ZNF507: variants seen among roughly 807,000 people sequenced by gnomAD.
ZNF507 encodes zinc finger protein 507.
Under a neutral mutation model 80.0 loss-of-function variants are expected in ZNF507, and 29 were observed. That is an observed-to-expected ratio of 0.36 (90% confidence interval 0.27 to 0.49). ZNF507 has a LOEUF of 0.49. Ranked by LOEUF, ZNF507 falls within the 20% of genes least tolerant of loss-of-function variation. The pLI is 0.98. For synonymous variants in ZNF507, 462 were observed against 422.5 expected (o/e 1.09, Z -1.15); for missense variants, 1,081 against 1,152.2 (o/e 0.94, Z 0.90).
At chr19:32,355,529 C>T (rs1468343430) in intron 3 of ZNF507, among the ~76,000 whole-genome samples, 1 of 152,140 alleles carries the variant, frequency 6.6e-6, no homozygotes, top group Non-Finnish European at 1.5e-5. Context: ...GTTATTTTGA[C>T]TGTCTGATTT....
At position 32,386,881 on chromosome 19, in the gene ZNF507, T is replaced by C. The variant is rs1967697110; in HGVS notation, c.*3798T>C. ...GGCTCCAAGTTCTATTAACCACAGG[T>C]TGTGTTCATTCTTTTCCTGGAAATG... On this transcript the variant is annotated 3_prime_UTR_variant, in exon 7 of 7. Transcript: ENST00000355898. The C allele has an allele frequency of 6.6e-6, 1 of 152,568 alleles. No homozygotes were observed. Among genetic ancestry groups the C allele is most frequent in the African/African-American group, 2.4e-5 (1 of 41,448 alleles). The allele number at this position is 152,568 out of a possible 1,614,324, so 9.5% of individuals were successfully genotyped here.
chr19:32,353,436 G>T lies in ZNF507; in HGVS notation c.606G>T (p.Arg202=). ...TAAGCCCCTCCAGCTCTTTGTGTCG[G>T]AAAACCACAGAAAGAAATGAAACCA... is the stretch of plus-strand genomic sequence containing the variant. The part of the protein sequence containing the change: ...QCVSPSSSLC[R]KTTERNETIP... Residue 202 remains arginine (R), a synonymous_variant, in exon 3 of 7, where the codon CGG becomes CGT. Transcript: ENST00000355898. 1 of 1,614,174 alleles carries T rather than the reference G, an allele frequency of 6.2e-7. No homozygotes were observed. The highest frequency in any genetic ancestry group is 1.1e-5 in the South Asian group (1 of 91,084).
At position 32,354,142 on chromosome 19, in the gene ZNF507, A is replaced by C. The variant is rs779352140; in HGVS notation, c.1312A>C (p.Met438Leu). The change falls in exon 3 of 7, where the codon ATG (methionine) becomes CTG (leucine). Residue 438 changes from methionine to leucine, a missense_variant. Around this residue, in one of 6 missense-constraint regions of ZNF507, gnomAD observed 614 missense variants for 583.9 expected, o/e 1.05. Coordinates refer to ENST00000355898, the MANE Select transcript of ZNF507 (RefSeq NM_001136156.2). ...LTEAQIGREG[M>L]DDVYRADKCT... ...AGAAGCTCAGATTGGGCGCGAAGGA[A>C]TGGATGATGTTTATCGTGCTGATAA... is the stretch of plus-strand genomic sequence containing the variant. The C allele has an allele frequency of 1.2e-6, 2 of 1,613,286 alleles. No individual in the cohort carries two copies. The highest frequency in any genetic ancestry group is 8.5e-7 in the Non-Finnish European group (1 of 1,180,006).
chr19:32,371,643 A>ATT (rs111611184), intron 5 of ZNF507, among the ~76,000 whole-genome samples: 221 of 92,636 alleles, frequency 2.4e-3, no homozygotes, highest in Non-Finnish European at 3.8e-3. Flanking sequence ...TATTATTATT[A>ATT]TTTTTTTTTT....
chr19:32,345,995 G>C (rs1568300303), intron 1 of ZNF507, among the ~76,000 whole-genome samples: 2 of 152,216 alleles, frequency 1.3e-5, no homozygotes, highest in Admixed American at 6.5e-5. Context: ...AGCTGGGGGT[G>C]GGGGGAACTT....
chr19:32,368,010 CAG>C (rs1458884739), intron 5 of ZNF507, among the ~76,000 whole-genome samples: 1 of 152,164 alleles, frequency 6.6e-6, no homozygotes, highest in Non-Finnish European at 1.5e-5. Flanking sequence ...GACATGGAAA[CAG>C]AGGCTGGGCT....
In ZNF507 at chr19:32,383,248, C is replaced by A; in HGVS notation, c.*165C>A. On this transcript the variant is annotated 3_prime_UTR_variant, in exon 7 of 7. Coordinates refer to ENST00000355898, the MANE Select transcript of ZNF507 (RefSeq NM_001136156.2). The stretch of plus-strand genomic sequence containing the variant: ...ACCAAACTTGTAATAAAAGGAATTC[C>A]AAATGGACAAGCAGTAATGATATTT... The A allele has an allele frequency of 3.5e-6, 3 of 845,126 alleles. No individual in the cohort carries two copies. The highest frequency in any genetic ancestry group is 3.6e-6 in the Non-Finnish European group (2 of 557,694). 52.4% of individuals were successfully genotyped at this position (845,126 alleles called of 1,614,324 possible). A position where few individuals can be genotyped will look rare whatever the true frequency, so the allele number is the denominator to read the frequency against.
rs756648519 is a variant in ZNF507, at chr19:32,354,930, G to A, written c.2100G>A (p.Lys700=). The stretch of plus-strand genomic sequence containing the variant: ...GTAAGACAAGAATATACCAGTGCAA[G>A]CAGTGTGAAGAATCCTTCCATTATA... ...HHCKTRIYQC[K]QCEESFHYKS... The change falls in exon 3 of 7, where the codon AAG becomes AAA. Residue 700 remains lysine, a synonymous_variant. Transcript: ENST00000355898. The A allele has an allele frequency of 2.5e-6, 4 of 1,610,946 alleles. No individual in the cohort carries two copies. Among genetic ancestry groups the A allele is most frequent in the Admixed American group, 3.3e-5 (2 of 59,758 alleles).
intron 5 of ZNF507, chr19:32,380,560 G>C (rs754625814): frequency 1.3e-5 from 20 of 1,531,830 alleles, no homozygotes; most frequent in Admixed American, 2.0e-5. Context: ...TATGCCGTTT[G>C]ATTTTCTTTG....
At chr19:32,373,752 C>T (rs913914858) in intron 5 of ZNF507, among the ~76,000 whole-genome samples, 4 of 152,218 alleles carry the variant, frequency 2.6e-5, no homozygotes, top group African/African-American at 9.6e-5. Context: ...AATTCATTTA[C>T]ATGTATGTCT....
chr19:32,353,350 G>T lies in ZNF507; in HGVS notation c.520G>T (p.Val174Leu), dbSNP rs78467561. ...SRSQEELEAH[V>L]VNDHDNDANI... ...AAGCCAGGAGGAACTTGAAGCCCAC[G>T]TGGTGAATGACCATGACAATGATGC... The change falls in exon 3 of 7, where the codon GTG becomes TTG. Residue 174 changes from valine (V) to leucine (L), a missense_variant. This residue lies in a region of ZNF507 where 275 missense variants were observed against 303.9 expected (regional missense o/e 0.90). Transcript: ENST00000355898. 326 of 1,614,202 alleles carry T rather than the reference G, an allele frequency of 2.0e-4. 1 individual carries two copies. Among genetic ancestry groups the T allele is most frequent in the Middle Eastern group, 8.2e-4 (5 of 6,062 alleles).
intron 5 of ZNF507, among the ~76,000 whole-genome samples, chr19:32,377,029 C>T (rs182357157): frequency 6.6e-6 from 1 of 152,142 alleles, no homozygotes; most frequent in African/African-American, 2.4e-5. Context: ...CAGGATGGAA[C>T]ATGAAAGCAG....
Position 32,354,313 on chromosome 19 carries a change from T to G in ZNF507, c.1483T>G (p.Leu495Val). 6.2e-7 allele frequency: 1 copy of G among 1,614,142 alleles called. No homozygotes were observed. Among genetic ancestry groups the G allele is most frequent in the Non-Finnish European group, 8.5e-7 (1 of 1,180,030 alleles). The change falls in exon 3 of 7, where the codon TTA becomes GTA. Residue 495 changes from leucine (L) to valine (V), a missense_variant. Around this residue, in one of 6 missense-constraint regions of ZNF507, gnomAD observed 614 missense variants for 583.9 expected, o/e 1.05. Coordinates refer to ENST00000355898, the MANE Select transcript of ZNF507 (RefSeq NM_001136156.2). Reference sequence around the variant, plus strand: ...TTCTGAGTCTCTTCGATTACACTCATTAGCTGCAGAAGCCCTTGTCACAAT... The same window carrying G: ...TTCTGAGTCTCTTCGATTACACTCAGTAGCTGCAGAAGCCCTTGTCACAAT... Reference protein sequence around the residue: ...TNSESLRLHSLAAEALVTMPI... With the variant: ...TNSESLRLHSVAAEALVTMPI...
Position 32,382,875 on chromosome 19 carries a change from C to G in ZNF507, c.2654C>G (p.Pro885Arg), listed in dbSNP as rs757610389. 1 of 1,614,088 alleles carries G rather than the reference C, an allele frequency of 6.2e-7. No homozygotes were observed. The highest frequency in any genetic ancestry group is 2.2e-5 in the East Asian group (1 of 44,866). ...ACCAACGAGAATGAGAAACTGAGCC[C>G]TACAAGTAATACCTCATATAGTTTA... is the stretch of plus-strand genomic sequence containing the variant. ...LGTNENEKLS[P>R]TSNTSYSLEK... The change falls in exon 7 of 7, where the codon CCT becomes CGT. Residue 885 changes from proline (P) to arginine (R), a missense_variant. By Grantham distance (103) the Pro-to-Arg change is moderately radical. Around this residue, in one of 6 missense-constraint regions of ZNF507, gnomAD observed 138 missense variants for 158.4 expected, o/e 0.87. Transcript: ENST00000355898.
chr19:32,349,948 C>A (rs143116725), intron 2 of ZNF507, among the ~76,000 whole-genome samples: 3 of 152,216 alleles, frequency 2.0e-5, no homozygotes, highest in Non-Finnish European at 4.4e-5. Context: ...TGTGCTTACA[C>A]TGATCTCTTG....
At position 32,354,499 on chromosome 19, in the gene ZNF507, CT is replaced by C; in HGVS notation, c.1671del (p.Asn558ThrfsTer8). The C allele has an allele frequency of 6.2e-7, 1 of 1,614,180 alleles. No homozygotes were observed. Among genetic ancestry groups the C allele is most frequent in the Non-Finnish European group, 8.5e-7 (1 of 1,180,038 alleles). On this transcript the variant is annotated frameshift_variant, in exon 3 of 7. Transcript: ENST00000355898. LOFTEE classifies it high-confidence loss of function. ...LKNSSDGLTS[L>X]NQSNSTLVAL... The stretch of plus-strand genomic sequence containing the variant: ...AAACTCTTCAGATGGATTAACTAGT[CT>C]TAACCAAAGCAACTCCACCTTGGTA...
At position 32,386,113 on chromosome 19, in the gene ZNF507, A is replaced by AT. The variant is rs1283038822; in HGVS notation, c.*3031dup. ...GGCGGGTGTCCCAGTGTTCAACAGT[A>AT]TCATGCTAATATTCCATTTGATCGG... On this transcript the variant is annotated 3_prime_UTR_variant, in exon 7 of 7. Coordinates refer to ENST00000355898, the MANE Select transcript of ZNF507 (RefSeq NM_001136156.2). The AT allele has an allele frequency of 1.3e-5, 2 of 152,242 alleles. No individual in the cohort carries two copies. Among genetic ancestry groups the AT allele is most frequent in the African/African-American group, 4.8e-5 (2 of 41,436 alleles). 9.4% of individuals were successfully genotyped at this position (152,242 alleles called of 1,614,324 possible).
At chr19:32,367,644 T>TA (rs1270731174) in intron 5 of ZNF507, among the ~76,000 whole-genome samples, 1 of 152,222 alleles carries the variant, frequency 6.6e-6, no homozygotes, top group Non-Finnish European at 1.5e-5. Context: ...GATACAGAAA[T>TA]AAAAATGTGT....
In ZNF507 at chr19:32,360,501, T is replaced by A; in HGVS notation, c.2246-3T>A. 6.5e-7 allele frequency: 1 copy of A among 1,532,596 alleles called. No individual in the cohort carries two copies. Among genetic ancestry groups the A allele is most frequent in the Non-Finnish European group, 8.8e-7 (1 of 1,134,162 alleles). 94.9% of individuals were successfully genotyped at this position (1,532,596 alleles called of 1,614,324 possible). A position where few individuals can be genotyped will look rare whatever the true frequency, so the allele number is the denominator to read the frequency against. On this transcript the variant is annotated splice_region_variant and splice_polypyrimidine_tract_variant and intron_variant, in intron 4 of 6. Transcript: ENST00000355898. ...TACTAAAACTCTGAAATACCTTGTC[T>A]AGGGAATAAGTCTTCAGTCCAGAAA...
Sources: allele counts gnomAD v4.1 joint callset (sites outside exome capture counted in the v4.1 genomes callset), GRCh38; gene constraint gnomAD v4.1.1; regional missense constraint gnomAD v4.1.1; transcripts MANE v1.5; gene names NCBI Gene and HGNC (gene_info 2026-07-23, HGNC 2026-07-21).